RPS6KC1: variants seen among roughly 807,000 people sequenced by gnomAD.
The protein encoded by RPS6KC1 is inactive ribosomal protein S6 kinase delta-1.
Under a neutral mutation model 103.8 loss-of-function variants are expected in RPS6KC1, and 54 were observed. That is an observed-to-expected ratio of 0.52 (90% CI 0.42 to 0.65). The LOEUF is 0.65. RPS6KC1 is among the 30% of genes least tolerant of loss of function. The pLI is 0.00. For synonymous variants in RPS6KC1, 439 were observed against 438.7 expected (o/e 1.00, Z -0.01); for missense variants, 1,151 against 1,253.8 (o/e 0.92, Z 1.24).
chr1:213,775,290 G>T, the RPS6KC1 span, among the ~76,000 whole-genome samples: 3 of 152,042 alleles, frequency 2.0e-5, no homozygotes, highest in Admixed American at 1.3e-4. Flanking sequence ...CAAATAATAG[G>T]TGGTCTAATG....
intron 3 of RPS6KC1, among the ~76,000 whole-genome samples, chr1:213,079,216 T>C (rs145542850): frequency 0.01 from 1,595 of 152,282 alleles, 29 homozygotes; most frequent in African/African-American, 0.032. Flanking sequence ...ATATTACTTT[T>C]GGCCTTTTGC....
the RPS6KC1 span, among the ~76,000 whole-genome samples, chr1:213,500,481 A>G: frequency 2.2e-3 from 341 of 152,368 alleles, 2 homozygotes; most frequent in African/African-American, 7.6e-3. Context: ...AAATAGTGAT[A>G]AAAAGAATAG....
intron 3 of RPS6KC1, among the ~76,000 whole-genome samples, chr1:213,093,208 CT>C (rs778283618): frequency 0.056 from 7,575 of 136,054 alleles, 279 homozygotes; most frequent in African/African-American, 0.12. Context: ...TAATAATCTA[CT>C]TTTTTTTTTT....
the RPS6KC1 span, among the ~76,000 whole-genome samples, chr1:213,422,915 A>G: frequency 6.6e-6 from 1 of 152,218 alleles, no homozygotes; most frequent in Non-Finnish European, 1.5e-5. Flanking sequence ...TACTACGGTG[A>G]CCCAGGACAC....
chr1:213,391,337 A>G, the RPS6KC1 span, among the ~76,000 whole-genome samples: 1 of 152,130 alleles, frequency 6.6e-6, no homozygotes, highest in African/African-American at 2.4e-5. Flanking sequence ...GATTGTGGCT[A>G]CATCTCCCCA....
the RPS6KC1 span, among the ~76,000 whole-genome samples, chr1:213,665,306 T>G: frequency 6.6e-6 from 1 of 151,942 alleles, no homozygotes; most frequent in Non-Finnish European, 1.5e-5. Context: ...AGATCCTTAA[T>G]GTAGAAAATA....
chr1:213,755,328 C>A, the RPS6KC1 span, among the ~76,000 whole-genome samples: 1 of 152,220 alleles, frequency 6.6e-6, no homozygotes, highest in Non-Finnish European at 1.5e-5. Context: ...TCCCAGAACT[C>A]CTAAGTACTC....
the RPS6KC1 span, among the ~76,000 whole-genome samples, chr1:213,406,956 C>G: frequency 6.6e-6 from 1 of 152,078 alleles, no homozygotes; most frequent in Non-Finnish European, 1.5e-5. Flanking sequence ...GGACTTTTAC[C>G]CAGTTCATTC....
chr1:213,301,034 C>T, the RPS6KC1 span, among the ~76,000 whole-genome samples: 51 of 152,238 alleles, frequency 3.4e-4, 1 homozygote, highest in East Asian at 6.2e-3. Context: ...TCTACTGTGA[C>T]GCAATCCCAT....
At chr1:213,409,974 G>A in the RPS6KC1 span, among the ~76,000 whole-genome samples, 1 of 152,190 alleles carries the variant, frequency 6.6e-6, no homozygotes, top group Non-Finnish European at 1.5e-5. Flanking sequence ...ATCAGCCTGG[G>A]CAACACAGTG....
chr1:213,137,752 G>GCTCGCT (rs1553340083), intron 6 of RPS6KC1, among the ~76,000 whole-genome samples: 4 of 12,206 alleles, frequency 3.3e-4, no homozygotes, highest in Non-Finnish European at 5.8e-4. Flanking sequence ...AGTCCAGTTT[G>GCTCGCT]CTCTCTCTCT....
the RPS6KC1 span, among the ~76,000 whole-genome samples, chr1:213,555,589 C>T: frequency 1.3e-5 from 2 of 152,084 alleles, no homozygotes; most frequent in African/African-American, 2.4e-5. Flanking sequence ...AGTGCTATTT[C>T]TTATTAATGT....
the RPS6KC1 span, among the ~76,000 whole-genome samples, chr1:213,852,376 A>G: frequency 6.6e-6 from 1 of 151,896 alleles, no homozygotes; most frequent in Admixed American, 6.6e-5. Context: ...TTGTGAACAT[A>G]TCTTTACCTA....
At chr1:213,411,351 A>G in the RPS6KC1 span, among the ~76,000 whole-genome samples, 1 of 152,212 alleles carries the variant, frequency 6.6e-6, no homozygotes, top group Non-Finnish European at 1.5e-5. Flanking sequence ...AGTTGCTGCA[A>G]GCCCTTGGGA....
the RPS6KC1 span, among the ~76,000 whole-genome samples, chr1:213,290,329 A>T: frequency 2.0e-5 from 3 of 152,132 alleles, no homozygotes; most frequent in Admixed American, 2.0e-4. Context: ...CTCTCCTGAG[A>T]TGCACATTGG....
At chr1:213,238,263 G>A (rs905555227) in intron 10 of RPS6KC1, among the ~76,000 whole-genome samples, 1 of 152,138 alleles carries the variant, frequency 6.6e-6, no homozygotes, top group Non-Finnish European at 1.5e-5. Flanking sequence ...GATTCTGAAG[G>A]ACCTTCAAGA....
At chr1:213,449,563 C>A in the RPS6KC1 span, among the ~76,000 whole-genome samples, 3 of 152,180 alleles carry the variant, frequency 2.0e-5, no homozygotes, top group African/African-American at 7.2e-5. Flanking sequence ...CCTCATTCAA[C>A]CTTAATTACC....
At chr1:213,709,497 C>T in the RPS6KC1 span, among the ~76,000 whole-genome samples, 1 of 148,918 alleles carries the variant, frequency 6.7e-6, no homozygotes, top group South Asian at 2.2e-4. Context: ...TTTCAAAAAA[C>T]CACTTCCTGG....
chr1:213,293,679 A>G, the RPS6KC1 span, among the ~76,000 whole-genome samples: 3 of 152,208 alleles, frequency 2.0e-5, no homozygotes, highest in East Asian at 1.9e-4. Flanking sequence ...CTTGAAAAGA[A>G]AAGAACAAGT....
Sources: allele counts gnomAD v4.1 joint callset (sites outside exome capture counted in the v4.1 genomes callset), GRCh38; gene constraint gnomAD v4.1.1; transcripts MANE v1.5; gene names NCBI Gene and HGNC (gene_info 2026-07-23, HGNC 2026-07-21).